SLC4A7: variants seen among roughly 807,000 people sequenced by gnomAD.
SLC4A7 encodes the protein sodium bicarbonate cotransporter 3.
Under a neutral mutation model 137.6 loss-of-function variants are expected in SLC4A7, and 51 were observed. That is an observed-to-expected ratio of 0.37 (90% confidence interval 0.30 to 0.47). SLC4A7 has a LOEUF of 0.47. Among genes scored for constraint, SLC4A7 ranks in the 20% least tolerant of loss-of-function variants. The pLI, the probability that SLC4A7 is intolerant of heterozygous loss-of-function variation, is 1.00. For synonymous variants in SLC4A7, 542 were observed against 518.6 expected (o/e 1.05, Z -0.61); for missense variants, 1,247 against 1,525.4 (o/e 0.82, Z 3.04).
chr3:27,449,125 C>A (rs1303425026), intron 2 of SLC4A7, among the ~76,000 whole-genome samples: 2 of 151,682 alleles, frequency 1.3e-5, no homozygotes, highest in Admixed American at 6.6e-5. Context: ...TGGTCTTGAA[C>A]TCCTGACCTC....
At chr3:27,398,778 A>G (rs2052460700) in intron 16 of SLC4A7, among the ~76,000 whole-genome samples, 1 of 152,210 alleles carries the variant, frequency 6.6e-6, no homozygotes, top group Admixed American at 6.5e-5. Flanking sequence ...AATTAATACT[A>G]TGCTCTTTTA....
intron 10 of SLC4A7, among the ~76,000 whole-genome samples, chr3:27,418,841 A>G (rs1264085882): frequency 6.6e-6 from 1 of 152,180 alleles, no homozygotes; most frequent in African/African-American, 2.4e-5. Context: ...CAAACAATGA[A>G]AGAGAACAGT....
Position 27,385,896 on chromosome 3 carries a change from T to G in SLC4A7, c.3488A>C (p.Lys1163Thr). Residue 1163 changes from lysine (K) to threonine (T), a missense_variant, in exon 23 of 26, where the codon AAA (lysine) becomes ACA (threonine). By Grantham distance (78) the Lys-to-Thr change is moderately conservative. This residue lies in a region of SLC4A7 where 290 missense variants were observed against 323.8 expected (regional missense o/e 0.90). Coordinates refer to ENST00000454389, the MANE Select transcript of SLC4A7 (RefSeq NM_001321103.2). ...KKEDDKKKKE[K>T]EEAERMLQDD... ...TTAAAATTGTTATCTTTTTACCTCTTTCTCTTTTTTCTTTTTGTCATCTTC... is the reference window on the plus strand; with the variant it reads ...TTAAAATTGTTATCTTTTTACCTCTGTCTCTTTTTTCTTTTTGTCATCTTC... 1 of 1,546,070 alleles carries G rather than the reference T, an allele frequency of 6.5e-7. No homozygotes were observed. Among genetic ancestry groups the G allele is most frequent in the Non-Finnish European group, 8.9e-7 (1 of 1,127,994 alleles).
At chr3:27,409,099 A>G (rs1461929484) in intron 13 of SLC4A7, among the ~76,000 whole-genome samples, 1 of 152,132 alleles carries the variant, frequency 6.6e-6, no homozygotes, top group Non-Finnish European at 1.5e-5. Context: ...CCTTTTACTC[A>G]ATTTATAAAA....
At chr3:27,398,154 T>C (rs1413333392) in intron 17 of SLC4A7, 38 bp downstream of exon 17, 2 of 1,498,426 alleles carry the variant, frequency 1.3e-6, no homozygotes, top group African/African-American at 1.4e-5. Flanking sequence ...ACCAAAAATA[T>C]GAATATTACC....
At chr3:27,452,966 AGT>A (rs2058175311) in intron 1 of SLC4A7, among the ~76,000 whole-genome samples, 1 of 152,210 alleles carries the variant, frequency 6.6e-6, no homozygotes, top group Non-Finnish European at 1.5e-5. Context: ...CTCAACATGC[AGT>A]ACCACTTTAA....
At chr3:27,444,007 G>A (rs2057410336) in intron 3 of SLC4A7, among the ~76,000 whole-genome samples, 1 of 152,096 alleles carries the variant, frequency 6.6e-6, no homozygotes, top group Non-Finnish European at 1.5e-5. Context: ...TATGATCTTG[G>A]TAAATATTCC....
At chr3:27,453,485 C>G (rs181762199) in intron 1 of SLC4A7, among the ~76,000 whole-genome samples, 1 of 152,094 alleles carries the variant, frequency 6.6e-6, no homozygotes, top group Non-Finnish European at 1.5e-5. Flanking sequence ...TGGTGGCACG[C>G]GCCTGTAATC....
At chr3:27,396,297 T>A (rs1010492824) in intron 18 of SLC4A7, among the ~76,000 whole-genome samples, 1 of 152,188 alleles carries the variant, frequency 6.6e-6, no homozygotes, top group African/African-American at 2.4e-5. Context: ...TAAGAGTTCC[T>A]TGATTTGCTT....
At position 27,398,357 on chromosome 3, in the gene SLC4A7, G is replaced by A. The variant is rs189243994; in HGVS notation, c.2428-4C>T. The A allele has an allele frequency of 7.5e-5, 119 of 1,580,710 alleles. No homozygotes were observed. The African/African-American group carries it at 1.4e-3, about 18-fold the overall frequency. ...CACCACGAAGTTTTTTACATTCCTG[G>A]AAAAAAGGAGAAAGAAAAAGCAGAA... On this transcript the variant is annotated splice_polypyrimidine_tract_variant and splice_region_variant and intron_variant, in intron 16 of 25. Coordinates refer to ENST00000454389, the MANE Select transcript of SLC4A7 (RefSeq NM_001321103.2).
At chr3:27,403,585 T>C (rs2053015867) in intron 14 of SLC4A7, among the ~76,000 whole-genome samples, 1 of 151,976 alleles carries the variant, frequency 6.6e-6, no homozygotes, top group Non-Finnish European at 1.5e-5. Flanking sequence ...AGTAGATTTA[T>C]TATTAATAAA....
At chr3:27,411,861 C>A in intron 11 of SLC4A7, 113 bp from the exon 12 acceptor site, 1 of 432,906 alleles carries the variant, frequency 2.3e-6, no homozygotes, top group East Asian at 3.7e-5. Flanking sequence ...CTAATCAGTT[C>A]TCCTAGAAAA....
At chr3:27,403,416 A>C in intron 14 of SLC4A7, 32 bp from the exon 15 acceptor site, 3 of 1,473,112 alleles carry the variant, frequency 2.0e-6, no homozygotes, top group African/African-American at 1.4e-5. Context: ...AATATGATAA[A>C]CATATGTGGA....
intron 13 of SLC4A7, 138 bp downstream of exon 13, chr3:27,409,218 G>A (rs898626778): frequency 4.2e-5 from 25 of 601,790 alleles, no homozygotes; most frequent in Non-Finnish European, 6.7e-5. Flanking sequence ...ATTACCTTTG[G>A]GGAAAGTCTG....
chr3:27,433,817 T>C lies in SLC4A7; in HGVS notation c.778+99A>G, dbSNP rs1038684851. ...AGGAGAAGTAATTCAGAGGTAGGTATAGTGAGTGTTTAAATATCCCCAAAT... is the reference window on the plus strand; with the variant it reads ...AGGAGAAGTAATTCAGAGGTAGGTACAGTGAGTGTTTAAATATCCCCAAAT... On this transcript the variant is annotated intron_variant, in intron 6 of 25. Transcript: ENST00000454389. The C allele has an allele frequency of 1.3e-5, 13 of 972,002 alleles. No homozygotes were observed. The Admixed American group carries it at 2.3e-4, about 17-fold the overall frequency. 60.2% of individuals were successfully genotyped at this position (972,002 alleles called of 1,614,324 possible).
intron 2 of SLC4A7, among the ~76,000 whole-genome samples, chr3:27,450,692 C>T (rs530739318): frequency 5.9e-5 from 9 of 152,160 alleles, no homozygotes; most frequent in South Asian, 4.1e-4. Context: ...AATAAAAACA[C>T]GCTAGAATCC....
At chr3:27,479,710 G>C (rs1306682493) in intron 1 of SLC4A7, among the ~76,000 whole-genome samples, 1 of 152,170 alleles carries the variant, frequency 6.6e-6, no homozygotes, top group Non-Finnish European at 1.5e-5. Flanking sequence ...AATGAAAATA[G>C]AGGTAAAATT....
At chr3:27,442,781 A>T (rs2057302442) in intron 3 of SLC4A7, among the ~76,000 whole-genome samples, 1 of 152,122 alleles carries the variant, frequency 6.6e-6, no homozygotes, top group Non-Finnish European at 1.5e-5. Flanking sequence ...GCAAAAGGGA[A>T]AAAGAACAAC....
At chr3:27,431,732 T>A (rs994415665) in intron 6 of SLC4A7, 63 bp from the exon 7 acceptor site, 65 of 1,438,878 alleles carry the variant, frequency 4.5e-5, no homozygotes, top group Non-Finnish European at 5.5e-5. Context: ...TAGAGACATT[T>A]AAAAAAAAAT....
Sources: allele counts gnomAD v4.1 joint callset (sites outside exome capture counted in the v4.1 genomes callset), GRCh38; gene constraint gnomAD v4.1.1; regional missense constraint gnomAD v4.1.1; transcripts MANE v1.5; gene names NCBI Gene and HGNC (gene_info 2026-07-23, HGNC 2026-07-21).